Variants in COPS3 observed in about 807,000 individuals in gnomAD.
COPS3 encodes COP9 signalosome subunit 3.
A neutral mutation model predicts 58.2 loss-of-function variants in COPS3; 10 were observed. The observed-to-expected ratio is 0.17, with a 90% confidence interval of 0.11 to 0.29. The LOEUF is 0.29. Ranked by LOEUF, COPS3 falls within the 10% of genes least tolerant of loss-of-function variation. COPS3 has a pLI of 1.00. For missense variants in COPS3, 333 were observed against 510.1 expected (o/e 0.65, Z 3.34); for synonymous variants, 187 against 181.7 (o/e 1.03, Z -0.24).
chr17:17,250,107 T>G (rs943742420), intron 9 of COPS3, among the ~76,000 whole-genome samples: 1 of 152,166 alleles, frequency 6.6e-6, no homozygotes, highest in Admixed American at 6.6e-5. Context: ...AATCTGTTCT[T>G]GTCTCGTATG....
intron 1 of COPS3, chr17:17,280,927 C>G (rs989270198): frequency 1.1e-6 from 1 of 876,844 alleles, no homozygotes; most frequent in Non-Finnish European, 1.7e-6. Context: ...GGAGGCCGGC[C>G]GGCGAGGACA....
Position 17,248,974 on chromosome 17 carries a change from G to T in COPS3, c.1089C>A (p.Asn363Lys). 6.2e-7 allele frequency: 1 copy of T among 1,610,398 alleles called. No individual in the cohort carries two copies. The highest frequency in any genetic ancestry group is 1.1e-5 in the South Asian group (1 of 90,182). The change falls in exon 10 of 12, where the codon AAC (asparagine) becomes AAA (lysine). Residue 363 changes from asparagine (N) to lysine (K), a missense_variant. Transcript: ENST00000268717. ...QKDGMVSFHD[N>K]PEKYNNPAML... ...TGGCTGGGTTATTATATTTTTCAGG[G>T]TTATCATGGAAACTGACCATACCGT...
chr17:17,266,990 G>A (rs2048236286), intron 5 of COPS3, among the ~76,000 whole-genome samples: 1 of 150,656 alleles, frequency 6.6e-6, no homozygotes, highest in African/African-American at 2.4e-5. Context: ...TTACAGGCGT[G>A]AACCACTGCA....
intron 8 of COPS3, among the ~76,000 whole-genome samples, chr17:17,258,943 C>A (rs1344249525): frequency 1.3e-5 from 2 of 152,068 alleles, no homozygotes. Flanking sequence ...GATTCTTTTT[C>A]TTGCCCATTG....
At position 17,264,997 on chromosome 17, in the gene COPS3, T is replaced by C. The variant is rs1161109272; in HGVS notation, c.442-16A>G. On this transcript the variant is annotated splice_polypyrimidine_tract_variant and intron_variant, in intron 5 of 11. Transcript: ENST00000268717. ...GCAAACAAAGCTGTGAACAAATTGA[T>C]ATTAAATCATCACTTTAATTTTACT... The C allele has an allele frequency of 6.2e-7, 1 of 1,600,704 alleles. No homozygotes were observed. Among genetic ancestry groups the C allele is most frequent in the African/African-American group, 1.3e-5 (1 of 74,124 alleles).
intron 2 of COPS3, among the ~76,000 whole-genome samples, chr17:17,272,240 G>C (rs954823842): frequency 6.6e-6 from 1 of 151,914 alleles, no homozygotes; most frequent in African/African-American, 2.4e-5. Flanking sequence ...CTGACCAATC[G>C]GGTGAAACCC....
At chr17:17,260,500 T>C in intron 7 of COPS3, 26 bp from the exon 8 acceptor site, 1 of 1,611,682 alleles carries the variant, frequency 6.2e-7, no homozygotes, top group Non-Finnish European at 8.5e-7. Context: ...AGGGAAAAAA[T>C]TCAGATTAAA....
chr17:17,260,629 C>T, intron 7 of COPS3, 155 bp from the exon 8 acceptor site: 1 of 588,592 alleles, frequency 1.7e-6, no homozygotes, highest in South Asian at 2.1e-5. Flanking sequence ...CATGAAGAAA[C>T]CCCGTCTCTA....
intron 2 of COPS3, among the ~76,000 whole-genome samples, 180 bp downstream of exon 2, chr17:17,275,855 T>C (rs1320234651): frequency 6.6e-6 from 1 of 152,082 alleles, no homozygotes. Context: ...GGCAAGAGAA[T>C]GGAGTGAACC....
intron 5 of COPS3, among the ~76,000 whole-genome samples, chr17:17,265,296 G>A (rs9890657): frequency 0.5 from 76,571 of 151,828 alleles, 19,738 homozygotes; most frequent in East Asian, 0.63. Context: ...TCAGATTTTG[G>A]AGCATTTTGG....
chr17:17,266,805 T>TAAA (rs926353114), intron 5 of COPS3, among the ~76,000 whole-genome samples: 6 of 132,780 alleles, frequency 4.5e-5, no homozygotes, highest in African/African-American at 1.6e-4. Flanking sequence ...TCTCAAAAAA[T>TAAA]AAAAAAAAAA....
chr17:17,274,482 T>C (rs113450069), intron 2 of COPS3, among the ~76,000 whole-genome samples: 20 of 150,034 alleles, frequency 1.3e-4, no homozygotes, highest in African/African-American at 4.6e-4. Flanking sequence ...TGGAGTGCAG[T>C]GGCGTTGTCT....
chr17:17,247,363 A>C (rs2047746219), intron 11 of COPS3, 117 bp downstream of exon 11: 2 of 1,037,904 alleles, frequency 1.9e-6, no homozygotes, highest in Non-Finnish European at 3.0e-6. Context: ...CCATGACCGT[A>C]CTGGTAAGGT....
intron 1 of COPS3, chr17:17,280,799 A>G: frequency 7.9e-7 from 1 of 1,264,756 alleles, no homozygotes; most frequent in Non-Finnish European, 1.0e-6. Flanking sequence ...AGACAGAAGG[A>G]ACCAATAGTC....
chr17:17,279,822 G>A (rs1442222176), intron 1 of COPS3, among the ~76,000 whole-genome samples: 4 of 152,178 alleles, frequency 2.6e-5, no homozygotes, highest in Admixed American at 2.6e-4. Flanking sequence ...TGCAGACGAA[G>A]AAACTGAAGC....
At chr17:17,260,258 C>T in intron 8 of COPS3, 43 bp downstream of exon 8, 1 of 1,592,564 alleles carries the variant, frequency 6.3e-7, no homozygotes, top group Non-Finnish European at 8.6e-7. Context: ...ACATGGCCCC[C>T]AGGGGGTCAG....
At chr17:17,275,164 C>T (rs541735879) in intron 2 of COPS3, among the ~76,000 whole-genome samples, 85 of 151,142 alleles carry the variant, frequency 5.6e-4, no homozygotes, top group African/African-American at 2.0e-3. Context: ...AATCTTGGCT[C>T]ACTGCAACCT....
Position 17,252,050 on chromosome 17 carries a change from C to T in COPS3, c.1023+2809G>A, listed in dbSNP as rs562818301. Among the ~76,000 whole-genome samples, 16 of 150,616 alleles carry T rather than the reference C, an allele frequency of 1.1e-4. No individual in the cohort carries two copies. The East Asian group carries it at 2.7e-3, about 26-fold the overall frequency. On this transcript the variant is annotated intron_variant, in intron 9 of 11. Coordinates refer to ENST00000268717, the MANE Select transcript of COPS3 (RefSeq NM_003653.4). ...CACCACTGCACTCCAGCCTGGGTGA[C>T]AGAGCAAGACTCCGTCTCAAAAAAA...
intron 8 of COPS3, among the ~76,000 whole-genome samples, chr17:17,258,407 T>TCC (rs906628649): frequency 4.6e-5 from 7 of 152,238 alleles, no homozygotes; most frequent in Admixed American, 1.3e-4. Flanking sequence ...CAAATGATTC[T>TCC]CCTGCCTCAG....
Sources: allele counts gnomAD v4.1 joint callset (sites outside exome capture counted in the v4.1 genomes callset), GRCh38; gene constraint gnomAD v4.1.1; transcripts MANE v1.5; gene names NCBI Gene and HGNC (gene_info 2026-07-23, HGNC 2026-07-21).